PDE1C: variants seen among roughly 807,000 people sequenced by gnomAD.
PDE1C encodes the protein phosphodiesterase 1C.
PDE1C carries 62 observed loss-of-function variants against 93.1 expected under a neutral mutation model. That is an observed-to-expected ratio of 0.67 (90% CI 0.54 to 0.82). The LOEUF (loss-of-function observed/expected upper bound fraction) is 0.82. Ranked by LOEUF, PDE1C falls within the 40% of genes least tolerant of loss-of-function variation. The pLI, the probability that PDE1C is intolerant of heterozygous loss-of-function variation, is 0.00. For synonymous variants in PDE1C, 325 were observed against 310.1 expected, an observed-to-expected ratio of 1.05 and a Z score of -0.50; for missense variants, 742 against 884.6, an observed-to-expected ratio of 0.84 and a Z score of 2.04.
chr7:31,718,865 C>T, the PDE1C span, among the ~76,000 whole-genome samples: 4 of 152,094 alleles, frequency 2.6e-5, no homozygotes, highest in Non-Finnish European at 2.9e-5. Flanking sequence ...GGGATCACCT[C>T]GGGGGGAAGT....
At chr7:31,838,017 G>A in intron 9 of PDE1C, 46 bp from the exon 10 acceptor site, 3 of 1,277,342 alleles carry the variant, frequency 2.3e-6, no homozygotes, top group South Asian at 2.5e-5. Context: ...GTCAAAAATG[G>A]AAAGTAAAAA....
chr7:32,054,661 T>G (rs1370065574), intron 1 of PDE1C, among the ~76,000 whole-genome samples: 2 of 152,194 alleles, frequency 1.3e-5, no homozygotes, highest in Non-Finnish European at 2.9e-5. Flanking sequence ...AGTCTGATTT[T>G]CAGTCCAACT....
the PDE1C span, chr7:31,697,103 C>A: frequency 1.9e-6 from 3 of 1,613,966 alleles, no homozygotes; most frequent in Non-Finnish European, 2.5e-6. Flanking sequence ...CTGCACATGT[C>A]CCCCTTTGCA....
At chr7:32,226,069 A>G (rs71530578) in intron 1 of PDE1C, among the ~76,000 whole-genome samples, 15,232 of 152,194 alleles carry the variant, frequency 0.1, 821 homozygotes, top group East Asian at 0.13. Flanking sequence ...AAAAGAAAAA[A>G]AAAGGAAAGA....
chr7:32,158,804 C>T (rs868218972), intron 3 of PDE1C, among the ~76,000 whole-genome samples: 5 of 152,128 alleles, frequency 3.3e-5, no homozygotes, highest in South Asian at 2.1e-4. Context: ...TGGAGAGCTC[C>T]GAAGATTTCT....
upstream of PDE1C, chr7:32,071,116 G>C (rs1796014910): frequency 1.0e-6 from 1 of 985,434 alleles, no homozygotes. Flanking sequence ...CACACGCTGG[G>C]CTCCGACCCC....
intron 2 of PDE1C, among the ~76,000 whole-genome samples, chr7:32,179,016 A>G (rs994574683): frequency 4.6e-5 from 7 of 152,134 alleles, no homozygotes; most frequent in African/African-American, 1.7e-4. Flanking sequence ...GGACACTAAG[A>G]CTCCAAGAAA....
chr7:31,710,226 G>C, the PDE1C span, among the ~76,000 whole-genome samples: 1 of 152,178 alleles, frequency 6.6e-6, no homozygotes, highest in African/African-American at 2.4e-5. Context: ...CAAACTAAAA[G>C]AGGTTTCTTT....
intron 15 of PDE1C, among the ~76,000 whole-genome samples, chr7:31,813,328 T>C (rs1300137122): frequency 6.6e-6 from 1 of 152,136 alleles, no homozygotes; most frequent in Admixed American, 6.5e-5. Context: ...ACACCTTTTC[T>C]GTCACTCTAG....
chr7:31,896,020 T>TACATACATACATACATACATACAC (rs1466998669), intron 2 of PDE1C, among the ~76,000 whole-genome samples: 146 of 151,380 alleles, frequency 9.6e-4, no homozygotes, highest in African/African-American at 3.1e-3. Flanking sequence ...CATACATACA[T>TACATACATACATACATACATACAC]ACACACACAA....
intron 9 of PDE1C, among the ~76,000 whole-genome samples, chr7:31,845,713 A>T (rs553219715): frequency 6.6e-6 from 1 of 152,162 alleles, no homozygotes; most frequent in Non-Finnish European, 1.5e-5. Flanking sequence ...AAAGGTGGCC[A>T]GGCACAGTGG....
chr7:32,305,617 T>A (rs1314608885), intron 1 of PDE1C, among the ~76,000 whole-genome samples: 1 of 152,208 alleles, frequency 6.6e-6, no homozygotes, highest in Non-Finnish European at 1.5e-5. Context: ...AGACAAAGCT[T>A]CTACACACTT....
At chr7:32,000,299 TTGG>T (rs1434591908) in intron 2 of PDE1C, among the ~76,000 whole-genome samples, 1 of 151,936 alleles carries the variant, frequency 6.6e-6, no homozygotes, top group African/African-American at 2.4e-5. Flanking sequence ...CTCAGAATGG[TTGG>T]TGGCATCTGG....
At chr7:32,398,124 G>T (rs1190031601) in intron 1 of PDE1C, among the ~76,000 whole-genome samples, 1 of 149,844 alleles carries the variant, frequency 6.7e-6, no homozygotes, top group African/African-American at 2.5e-5. Flanking sequence ...CTGCACTCCA[G>T]CCTGGGCTGC....
the PDE1C span, among the ~76,000 whole-genome samples, chr7:31,617,460 T>G: frequency 6.6e-6 from 1 of 151,078 alleles, no homozygotes; most frequent in African/African-American, 2.4e-5. Flanking sequence ...TAAAAGAAAA[T>G]GTGAATTAGT....
the PDE1C span, among the ~76,000 whole-genome samples, chr7:31,641,822 T>A: frequency 6.6e-6 from 1 of 152,340 alleles, no homozygotes; most frequent in African/African-American, 2.4e-5. Context: ...ATGTGGTCTT[T>A]CATTATTTTA....
chr7:31,931,448 A>G (rs189525409), intron 2 of PDE1C, among the ~76,000 whole-genome samples: 68 of 152,322 alleles, frequency 4.5e-4, no homozygotes, highest in African/African-American at 1.5e-3. Context: ...CCAATAGCAG[A>G]CAAACAGAGA....
intron 2 of PDE1C, among the ~76,000 whole-genome samples, chr7:32,172,092 T>C (rs1189975649): frequency 2.6e-5 from 4 of 151,610 alleles, no homozygotes; most frequent in South Asian, 2.1e-4. Context: ...ATTAAATAAC[T>C]ATTATTTTAA....
In PDE1C at chr7:32,099,326, A is replaced by C. The variant is rs1448604733; in HGVS notation, c.308+70459T>G. 3.3e-5 allele frequency among the ~76,000 whole-genome samples: 5 copies of C among 152,206 alleles called. No individual in the cohort carries two copies. The East Asian group carries it at 9.6e-4, about 29-fold the overall frequency. On this transcript the variant is annotated intron_variant, in intron 3 of 18. Transcript: ENST00000396193. ...AATGTTATCTTTGCCATTATAAAGA[A>C]CCTTCAGGGGAATGAGGAAATAGGA...
Sources: gnomAD v4.1 joint callset for allele counts (sites outside exome capture counted in the v4.1 genomes callset) on GRCh38, gnomAD v4.1.1 for gene constraint, MANE v1.5 for transcripts, NCBI Gene and HGNC (gene_info 2026-07-23, HGNC 2026-07-21) for gene names.